The following RIPOR2 variants were observed in gnomAD, a reference collection of about 807,000 sequenced individuals.
RIPOR2 encodes RHO family interacting cell polarization regulator 2, also known as rho family-interacting cell polarization regulator 2.
A neutral mutation model predicts 114.5 loss-of-function variants in RIPOR2; 39 were observed. The ratio of observed to expected loss-of-function variants is 0.34; its 90% CI spans 0.26 to 0.44. The LOEUF is 0.44. RIPOR2 is among the 20% of genes least tolerant of loss of function. The pLI, the probability that RIPOR2 is intolerant of heterozygous loss-of-function variation, is 1.00. For missense variants in RIPOR2, 1,007 were observed against 1,255.1 expected (o/e 0.80, Z 2.99); for synonymous variants, 445 against 484.4 (o/e 0.92, Z 1.07).
chr6:24,868,642 A>G (rs1361979205), intron 6 of RIPOR2, among the ~76,000 whole-genome samples: 2 of 152,152 alleles, frequency 1.3e-5, no homozygotes, highest in Non-Finnish European at 2.9e-5. Flanking sequence ...GAGTGGAAAG[A>G]GCCAAGGGCT....
chr6:24,913,450 T>C (rs1184212725), intron 1 of RIPOR2, among the ~76,000 whole-genome samples: 2 of 152,164 alleles, frequency 1.3e-5, no homozygotes, highest in African/African-American at 4.8e-5. Context: ...GGATCTGTCC[T>C]GGGTGACTTT....
At chr6:24,895,339 G>A (rs1239097371) in intron 1 of RIPOR2, among the ~76,000 whole-genome samples, 9 of 152,072 alleles carry the variant, frequency 5.9e-5, no homozygotes, top group East Asian at 5.8e-4. Context: ...GTGAGCCACC[G>A]CACCCGGCAC....
chr6:24,843,708 TG>T (rs1350164091), intron 12 of RIPOR2, among the ~76,000 whole-genome samples, 154 bp from the exon 13 acceptor site: 5 of 140,014 alleles, frequency 3.6e-5, no homozygotes, highest in African/African-American at 1.5e-4. Flanking sequence ...CGTGTGTGTG[TG>T]TGTGTGTGTG....
intron 1 of RIPOR2, among the ~76,000 whole-genome samples, chr6:25,014,118 G>A (rs1463334907): frequency 6.6e-6 from 1 of 152,178 alleles, no homozygotes; most frequent in Admixed American, 6.5e-5. Flanking sequence ...AATTCCCAGA[G>A]GGAAACAGAA....
intron 1 of RIPOR2, among the ~76,000 whole-genome samples, chr6:24,945,024 G>A (rs685008): frequency 0.17 from 26,340 of 151,760 alleles, 2,448 homozygotes; most frequent in East Asian, 0.34. Flanking sequence ...TAATGTTCCC[G>A]CCACAAAGAA....
chr6:24,964,572 T>C (rs1773443879), intron 1 of RIPOR2, among the ~76,000 whole-genome samples: 1 of 152,230 alleles, frequency 6.6e-6, no homozygotes, highest in African/African-American at 2.4e-5. Flanking sequence ...TTCCATTTCT[T>C]GACTATTGGA....
chr6:24,853,398 C>T (rs1763152610), intron 8 of RIPOR2, among the ~76,000 whole-genome samples: 1 of 152,174 alleles, frequency 6.6e-6, no homozygotes, highest in South Asian at 2.1e-4. Context: ...TTTGTCCAGT[C>T]TTTTTCTTTC....
At chr6:24,860,293 T>TACA (rs5875011) in intron 8 of RIPOR2, among the ~76,000 whole-genome samples, 150,564 of 152,204 alleles carry the variant, frequency 0.99, 74,489 homozygotes, top group Middle Eastern at 1. Context: ...GGACATTCTG[T>TACA]ACAATGGTTT....
intron 1 of RIPOR2, chr6:25,024,627 C>G (rs1776517518): frequency 2.3e-6 from 1 of 441,978 alleles, no homozygotes. Flanking sequence ...GTTTCCAGTT[C>G]TGTGCCCTTC....
chr6:24,865,122 A>T lies in RIPOR2; in HGVS notation c.651+179T>A, dbSNP rs114172849. Among the ~76,000 whole-genome samples the T allele has an allele frequency of 9.3e-3, 1,421 of 152,282 alleles. 15 individuals carry two copies. The highest frequency in any genetic ancestry group is 0.017 in the Non-Finnish European group (1,142 of 68,024). On this transcript the variant is annotated intron_variant, in intron 7 of 21. Transcript: ENST00000643898. ...GCCGCCACTCCCAGCTTATTCATTC[A>T]TTTTAAGCAATTCTACCGATTGCCT...
chr6:24,882,004 A>G (rs900098538), intron 1 of RIPOR2, among the ~76,000 whole-genome samples: 3 of 152,218 alleles, frequency 2.0e-5, no homozygotes, highest in Non-Finnish European at 4.4e-5. Context: ...CCTGTCTCTT[A>G]AGAATAAAGG....
chr6:24,941,274 G>A (rs13212828), intron 1 of RIPOR2, among the ~76,000 whole-genome samples: 29,161 of 151,898 alleles, frequency 0.19, 3,020 homozygotes, highest in Middle Eastern at 0.29. Context: ...CCCAGCAAAC[G>A]AGAGTTCTAT....
chr6:24,962,178 A>G (rs1773337868), intron 1 of RIPOR2, among the ~76,000 whole-genome samples: 1 of 152,216 alleles, frequency 6.6e-6, no homozygotes, highest in African/African-American at 2.4e-5. Flanking sequence ...TGTATAGGGT[A>G]CAGATGACCT....
chr6:24,807,181 G>T (rs1486178715), intron 21 of RIPOR2, among the ~76,000 whole-genome samples: 2 of 151,874 alleles, frequency 1.3e-5, no homozygotes, highest in Non-Finnish European at 2.9e-5. Flanking sequence ...CTAATCAGAA[G>T]TTCAGCTGGG....
At chr6:24,970,938 G>A (rs1339402997) in intron 1 of RIPOR2, among the ~76,000 whole-genome samples, 2 of 152,098 alleles carry the variant, frequency 1.3e-5, no homozygotes, top group Admixed American at 6.6e-5. Flanking sequence ...ATCTGAAAGT[G>A]GGGATGACAA....
At chr6:24,920,762 G>A (rs1206075279) in intron 1 of RIPOR2, among the ~76,000 whole-genome samples, 2 of 152,158 alleles carry the variant, frequency 1.3e-5, no homozygotes, top group Non-Finnish European at 2.9e-5. Flanking sequence ...CCGCATCACA[G>A]CAATACCCTT....
intron 1 of RIPOR2, among the ~76,000 whole-genome samples, chr6:24,987,621 G>A (rs946027158): frequency 2.6e-4 from 39 of 152,194 alleles, no homozygotes; most frequent in African/African-American, 9.4e-4. Flanking sequence ...TTACAAGTGA[G>A]GTGGAAGGTC....
chr6:24,852,714 G>C (rs1329151475), intron 8 of RIPOR2, 96 bp from the exon 9 acceptor site: 1 of 943,850 alleles, frequency 1.1e-6, no homozygotes, highest in Non-Finnish European at 1.5e-6. Flanking sequence ...TGAAGTGTCA[G>C]AACTTTGTGC....
chr6:24,826,841 A>T (rs752660571), intron 18 of RIPOR2, among the ~76,000 whole-genome samples: 3 of 152,188 alleles, frequency 2.0e-5, no homozygotes, highest in Non-Finnish European at 4.4e-5. Flanking sequence ...TGAAAAATGC[A>T]TTCAATTTAA....
Sources: allele counts gnomAD v4.1 joint callset (sites outside exome capture counted in the v4.1 genomes callset), GRCh38; gene constraint gnomAD v4.1.1; transcripts MANE v1.5; gene names NCBI Gene and HGNC (gene_info 2026-07-23, HGNC 2026-07-21).